The following AR variants were observed in gnomAD, a reference collection of about 807,000 sequenced individuals.
AR encodes dihydrotestosterone receptor.
In AR, 8 loss-of-function variants were observed where a neutral mutation model predicts 53.9. The observed-to-expected ratio is 0.15, with a 90% CI of 0.09 to 0.27. The LOEUF (loss-of-function observed/expected upper bound fraction) is 0.27. Among genes scored for constraint, AR ranks in the 10% least tolerant of loss-of-function variants. The pLI is 1.00. For missense variants in AR, 639 were observed against 742.5 expected (o/e 0.86, Z 1.62); for synonymous variants, 359 against 316.4 (o/e 1.13, Z -1.43).
chrX:67,588,031 C>T (rs1021290778), intron 1 of AR, among the ~76,000 whole-genome samples: 1 of 111,786 alleles, frequency 8.9e-6, no homozygotes, highest in Non-Finnish European at 1.9e-5. Context: ...CTGTGTTCCA[C>T]TCCACCCTCC....
chrX:67,696,114 A>T, intron 3 of AR: 2 of 740,861 alleles, frequency 2.7e-6, no homozygotes, highest in Non-Finnish European at 3.2e-6. Context: ...GAGAGAATTA[A>T]TGCTGTTAAC....
At chrX:67,661,441 T>G (rs745612766) in intron 2 of AR, among the ~76,000 whole-genome samples, 4 of 111,641 alleles carry the variant, frequency 3.6e-5, no homozygotes, top group Non-Finnish European at 7.5e-5. Context: ...TGAATTTTGT[T>G]AAAGGCCTTT....
intron 1 of AR, among the ~76,000 whole-genome samples, chrX:67,635,952 T>C (rs1453529770): frequency 2.7e-5 from 3 of 111,704 alleles, no homozygotes; most frequent in Non-Finnish European, 5.6e-5. Context: ...TATTCAAAAC[T>C]TTTGAGGTTT....
chrX:67,706,185 C>G (rs1338255532), intron 3 of AR, among the ~76,000 whole-genome samples: 1 of 111,825 alleles, frequency 8.9e-6, no homozygotes, highest in Non-Finnish European at 1.9e-5. Flanking sequence ...AGGATTCCCT[C>G]TTTTTCTAGT....
At chrX:67,721,444 C>T (rs1297096201) in intron 5 of AR, among the ~76,000 whole-genome samples, 1 of 111,749 alleles carries the variant, frequency 8.9e-6, no homozygotes, top group Non-Finnish European at 1.9e-5. Flanking sequence ...AAGGCAGGTT[C>T]TCATTCTGGC....
intron 3 of AR, chrX:67,694,563 T>C: frequency 9.8e-7 from 1 of 1,015,974 alleles, no homozygotes; most frequent in South Asian, 3.5e-5. Flanking sequence ...CAACTTTACA[T>C]GCTGCTTCCT....
At chrX:67,622,090 T>C (rs761596158) in intron 1 of AR, among the ~76,000 whole-genome samples, 26 of 112,110 alleles carry the variant, frequency 2.3e-4, no homozygotes, top group Non-Finnish European at 4.1e-4. Flanking sequence ...GTAAATAGCT[T>C]CTTTAATATC....
At position 67,644,869 on chromosome X, in the gene AR, A is replaced by G. The variant is rs537465795; in HGVS notation, c.1768+1462A>G. On this transcript the variant is annotated intron_variant, in intron 2 of 7. Coordinates refer to ENST00000374690, the MANE Select transcript of AR (RefSeq NM_000044.6). ...GCCCAGGGCCCTAATGTCTAGGTCT[A>G]GGCAGTAAGGCCTAGAGCAGTGCCT... 8.1e-5 allele frequency among the ~76,000 whole-genome samples: 9 copies of G among 111,651 alleles called. No individual in the cohort carries two copies. In the South Asian group the frequency reaches 3.4e-3, roughly 42 times the overall value.
At chrX:67,655,662 G>C (rs926758856) in intron 2 of AR, among the ~76,000 whole-genome samples, 1 of 111,168 alleles carries the variant, frequency 9.0e-6, no homozygotes, top group Non-Finnish European at 1.9e-5. Flanking sequence ...TCCGTTAGTA[G>C]TGTGACCTTG....
chrX:67,584,599 A>G (rs1468650232), intron 1 of AR, among the ~76,000 whole-genome samples: 1 of 112,277 alleles, frequency 8.9e-6, no homozygotes, highest in African/African-American at 3.2e-5. Flanking sequence ...AAATGTTTGA[A>G]TGGGAAAATT....
chrX:67,650,052 A>G (rs1361833394), intron 2 of AR, among the ~76,000 whole-genome samples: 4 of 112,020 alleles, frequency 3.6e-5, no homozygotes, highest in Non-Finnish European at 7.5e-5. Flanking sequence ...GCTCAAGGCA[A>G]TAAGAGAGGA....
At chrX:67,707,079 A>G (rs1007847801) in intron 3 of AR, among the ~76,000 whole-genome samples, 3 of 111,785 alleles carry the variant, frequency 2.7e-5, no homozygotes, top group African/African-American at 9.8e-5. Flanking sequence ...TCAGTGGTCA[A>G]TTTTGGAATA....
chrX:67,667,077 A>T (rs1214727574), intron 2 of AR, among the ~76,000 whole-genome samples: 1 of 111,111 alleles, frequency 9.0e-6, no homozygotes, highest in Non-Finnish European at 1.9e-5. Context: ...ATGTGACCTC[A>T]TTTGTCCATT....
At chrX:67,605,494 C>A (rs1475918815) in intron 1 of AR, among the ~76,000 whole-genome samples, 2 of 111,589 alleles carry the variant, frequency 1.8e-5, no homozygotes, top group Non-Finnish European at 3.8e-5. Flanking sequence ...AGATGACTCA[C>A]CCTTTTTGCT....
At chrX:67,689,212 C>T (rs756381591) in intron 3 of AR, among the ~76,000 whole-genome samples, 125 of 111,411 alleles carry the variant, frequency 1.1e-3, no homozygotes, top group African/African-American at 3.7e-3. Flanking sequence ...ATTGTCTGTT[C>T]CCTGCTCCCA....
At chrX:67,660,352 A>T (rs188860795) in intron 2 of AR, among the ~76,000 whole-genome samples, 2 of 111,927 alleles carry the variant, frequency 1.8e-5, no homozygotes, top group African/African-American at 6.5e-5. Context: ...TTTAGGTCTA[A>T]CATGTAAGTC....
chrX:67,597,234 CCT>C (rs1246365144), intron 1 of AR, among the ~76,000 whole-genome samples: 16 of 111,951 alleles, frequency 1.4e-4, no homozygotes, highest in South Asian at 1.1e-3. Context: ...TATACACAAT[CCT>C]GAAATGAATG....
At position 67,546,550 on chromosome X, in the gene AR, C is replaced by T. The variant is rs1464686195; in HGVS notation, c.1404C>T (p.Gly468=). The part of the protein sequence containing the change: ...GGGGGGGGGG[G]GGGGGEAGAV... Reference sequence around the variant, plus strand: ...GCGGCGGCGGCGGCGGCGGCGGCGGCGGCGGCGGCGGCGGCGAGGCGGGAG... The same window carrying T: ...GCGGCGGCGGCGGCGGCGGCGGCGGTGGCGGCGGCGGCGGCGAGGCGGGAG... Residue 468 remains glycine, a synonymous_variant, in exon 1 of 8, where the codon GGC becomes GGT. Transcript: ENST00000374690. 4.3e-6 allele frequency: 4 copies of T among 922,285 alleles called. No homozygotes were observed. The highest frequency in any genetic ancestry group is 4.1e-6 in the Non-Finnish European group (3 of 732,726). The allele number at this position is 922,285 out of a possible 1,213,427, so 76.0% of individuals were successfully genotyped here. A position where few individuals can be genotyped will look rare whatever the true frequency, so the allele number is the denominator to read the frequency against.
At chrX:67,558,644 C>T (rs1379391305) in intron 1 of AR, among the ~76,000 whole-genome samples, 1 of 111,426 alleles carries the variant, frequency 9.0e-6, no homozygotes, top group Non-Finnish European at 1.9e-5. Flanking sequence ...AAGTTGATGA[C>T]TCATGATAGG....
Sources: allele counts gnomAD v4.1 joint callset (sites outside exome capture counted in the v4.1 genomes callset), GRCh38; gene constraint gnomAD v4.1.1; transcripts MANE v1.5; gene names NCBI Gene and HGNC (gene_info 2026-07-23, HGNC 2026-07-21).